TLN2: variants seen among roughly 807,000 people sequenced by gnomAD.
The protein encoded by TLN2 is talin-2.
Under a neutral mutation model 294.7 loss-of-function variants are expected in TLN2, and 118 were observed. The ratio of observed to expected loss-of-function variants is 0.40; its 90% CI spans 0.34 to 0.47. TLN2 has a LOEUF of 0.47. Ranked by LOEUF, TLN2 falls within the 20% of genes least tolerant of loss-of-function variation. The probability of loss-of-function intolerance (pLI) is 0.84; values close to 1 mark genes in which losing one functional copy is unlikely to be tolerated. For missense variants in TLN2, 3,083 were observed against 3,282.2 expected, an observed-to-expected ratio of 0.94 and a Z score of 1.48; for synonymous variants, 1,431 against 1,304.5, an observed-to-expected ratio of 1.10 and a Z score of -2.09.
At chr15:62,797,434 CG>C (rs2065574797) in intron 48 of TLN2, 32 bp downstream of exon 48, 1 of 1,553,268 alleles carries the variant, frequency 6.4e-7, no homozygotes, top group African/African-American at 1.4e-5. Context: ...TGCGTCCTCC[CG>C]GTCTTCCCGT....
intron 1 of TLN2, among the ~76,000 whole-genome samples, chr15:62,435,400 A>G (rs1209754400): frequency 6.6e-6 from 1 of 151,684 alleles, no homozygotes; most frequent in Admixed American, 6.6e-5. Flanking sequence ...AAAACCATTC[A>G]TTTTTCTCCG....
chr15:62,742,711 A>C (rs1034257409), intron 32 of TLN2, among the ~76,000 whole-genome samples: 3 of 152,180 alleles, frequency 2.0e-5, no homozygotes, highest in Admixed American at 2.0e-4. Flanking sequence ...TTTCATAGCC[A>C]GGTAAGCACT....
Position 62,755,512 on chromosome 15 carries a change from C to T in TLN2, c.4477-20C>T. ...GCACTGTAGCATGGGGTACCCCCAA[C>T]CTAGCTCCATGCTTTGTAGGTCCTG... On this transcript the variant is annotated intron_variant, in intron 36 of 58. Coordinates refer to ENST00000636159, the MANE Select transcript of TLN2 (RefSeq NM_015059.3). 6.2e-7 allele frequency: 1 copy of T among 1,612,884 alleles called. No homozygotes were observed. Among genetic ancestry groups the T allele is most frequent in the Non-Finnish European group, 8.5e-7 (1 of 1,179,368 alleles).
At chr15:62,630,897 G>T (rs1482155992) in intron 3 of TLN2, among the ~76,000 whole-genome samples, 1 of 152,052 alleles carries the variant, frequency 6.6e-6, no homozygotes, top group Non-Finnish European at 1.5e-5. Context: ...AAAGAGAGGG[G>T]GAGGAGTGTG....
intron 58 of TLN2, 125 bp from the exon 59 acceptor site, chr15:62,840,357 G>A: frequency 5.8e-6 from 8 of 1,383,000 alleles, no homozygotes; most frequent in Non-Finnish European, 7.8e-6. Flanking sequence ...AGCTAAGAAA[G>A]CTGTTCCGGA....
At chr15:62,758,998 G>A (rs910853679) in intron 37 of TLN2, among the ~76,000 whole-genome samples, 3 of 152,204 alleles carry the variant, frequency 2.0e-5, no homozygotes, top group African/African-American at 7.2e-5. Flanking sequence ...AGATGTCCGT[G>A]GTATTTTGCT....
chr15:62,733,087 G>C (rs1490329769), intron 28 of TLN2, among the ~76,000 whole-genome samples: 1 of 152,160 alleles, frequency 6.6e-6, no homozygotes, highest in East Asian at 1.9e-4. Flanking sequence ...GTGAGAGACA[G>C]CTTATCAGTT....
chr15:62,579,552 C>G (rs779909499), intron 1 of TLN2, among the ~76,000 whole-genome samples: 1 of 152,154 alleles, frequency 6.6e-6, no homozygotes, highest in Non-Finnish European at 1.5e-5. Flanking sequence ...TTGTTTCTTC[C>G]TGTTGCATTT....
At chr15:62,809,730 C>T (rs1314453812) in intron 51 of TLN2, among the ~76,000 whole-genome samples, 195 bp from the exon 52 acceptor site, 3 of 152,218 alleles carry the variant, frequency 2.0e-5, no homozygotes, top group Non-Finnish European at 4.4e-5. Flanking sequence ...AGTCTGCACA[C>T]AGACTGCATC....
intron 1 of TLN2, among the ~76,000 whole-genome samples, chr15:62,535,298 G>C (rs563293565): frequency 6.6e-6 from 1 of 152,148 alleles, no homozygotes; most frequent in South Asian, 2.1e-4. Flanking sequence ...CCCAGATTCT[G>C]ATGTAATTGA....
intron 1 of TLN2, among the ~76,000 whole-genome samples, chr15:62,506,312 G>C (rs2039620704): frequency 6.6e-6 from 1 of 152,200 alleles, no homozygotes; most frequent in South Asian, 2.1e-4. Flanking sequence ...AAACTGGACT[G>C]GGTCAGACCT....
chr15:62,614,079 A>G (rs1479099197), intron 2 of TLN2, among the ~76,000 whole-genome samples: 1 of 152,130 alleles, frequency 6.6e-6, no homozygotes, highest in African/African-American at 2.4e-5. Flanking sequence ...CAGATTCTGA[A>G]ACTTATTTGT....
At chr15:62,603,390 T>A (rs1489314095) in intron 2 of TLN2, among the ~76,000 whole-genome samples, 1 of 152,228 alleles carries the variant, frequency 6.6e-6, no homozygotes, top group Non-Finnish European at 1.5e-5. Context: ...TTCTCTGCTC[T>A]GCTTTTTTCA....
intron 1 of TLN2, among the ~76,000 whole-genome samples, chr15:62,415,856 C>A (rs996997655): frequency 6.6e-6 from 1 of 152,178 alleles, no homozygotes; most frequent in Admixed American, 6.5e-5. Flanking sequence ...GGGGGTAGCC[C>A]TCCATGTCCA....
intron 12 of TLN2, chr15:62,687,865 A>G (rs2057420422): frequency 6.6e-6 from 1 of 152,226 alleles, no homozygotes; most frequent in Non-Finnish European, 1.5e-5. Flanking sequence ...GTGGCCCTCA[A>G]AAGATGAATG....
intron 11 of TLN2, among the ~76,000 whole-genome samples, chr15:62,681,751 TGTG>T (rs2056847597): frequency 3.3e-5 from 5 of 152,256 alleles, no homozygotes; most frequent in East Asian, 1.9e-4. Context: ...TGTAAACAAA[TGTG>T]GTGACTGGAA....
chr15:62,693,295 G>A (rs1357587600), intron 13 of TLN2, among the ~76,000 whole-genome samples: 1 of 152,168 alleles, frequency 6.6e-6, no homozygotes, highest in Non-Finnish European at 1.5e-5. Context: ...TCACGCCACT[G>A]TACTGCAGCC....
chr15:62,672,335 T>C (rs2141001845), intron 9 of TLN2, among the ~76,000 whole-genome samples: 1 of 152,302 alleles, frequency 6.6e-6, no homozygotes, highest in East Asian at 1.9e-4. Context: ...TTTAAAAAAA[T>C]CTTTGTAGGT....
intron 2 of TLN2, among the ~76,000 whole-genome samples, chr15:62,617,340 T>A (rs1221344749): frequency 1.3e-5 from 2 of 152,138 alleles, no homozygotes; most frequent in African/African-American, 4.8e-5. Context: ...CATGGGCTGC[T>A]CCTGGAACCA....
Sources: allele counts gnomAD v4.1 joint callset (sites outside exome capture counted in the v4.1 genomes callset), GRCh38; gene constraint gnomAD v4.1.1; transcripts MANE v1.5; gene names NCBI Gene and HGNC (gene_info 2026-07-23, HGNC 2026-07-21).